The following ZNF618 variants were observed in gnomAD, a reference collection of about 807,000 sequenced individuals.
The protein encoded by ZNF618 is neural precursor cell expressed, developmentally down-regulated 10.
In ZNF618, 34 loss-of-function variants were observed where a neutral mutation model predicts 103.0. That is an observed-to-expected ratio of 0.33 (90% CI 0.25 to 0.44). ZNF618 has a LOEUF of 0.44. Ranked by LOEUF, ZNF618 falls within the 20% of genes least tolerant of loss-of-function variation. The pLI is 1.00. For missense variants in ZNF618, 1,059 were observed against 1,295.4 expected, an observed-to-expected ratio of 0.82 and a Z score of 2.80; for synonymous variants, 551 against 542.2, an observed-to-expected ratio of 1.02 and a Z score of -0.23.
chr9:114,050,450 A>T lies in ZNF618; in HGVS notation c.*283A>T. 1 of 280,508 alleles carries T rather than the reference A, an allele frequency of 3.6e-6. No individual in the cohort carries two copies. Among genetic ancestry groups the T allele is most frequent in the Non-Finnish European group, 6.4e-6 (1 of 155,714 alleles). 17.4% of individuals were successfully genotyped at this position (280,508 alleles called of 1,614,324 possible). ...AGAAACTTTGCACACACGCACACACACACACACACACACACACACACACAC... is the reference window on the plus strand; with the variant it reads ...AGAAACTTTGCACACACGCACACACTCACACACACACACACACACACACAC... On this transcript the variant is annotated 3_prime_UTR_variant, in exon 15 of 15. Transcript: ENST00000374126.
At chr9:114,027,120 T>A (rs528315854) in intron 10 of ZNF618, among the ~76,000 whole-genome samples, 31 of 151,688 alleles carry the variant, frequency 2.0e-4, no homozygotes, top group African/African-American at 7.3e-4. Flanking sequence ...AAAAAAAAAA[T>A]TGGAAATTAT....
At chr9:113,894,633 A>G (rs1221341636) in intron 1 of ZNF618, among the ~76,000 whole-genome samples, 1 of 152,178 alleles carries the variant, frequency 6.6e-6, no homozygotes, top group Admixed American at 6.5e-5. Flanking sequence ...GCTCCTTTAT[A>G]TGACTCAAGT....
intron 1 of ZNF618, among the ~76,000 whole-genome samples, chr9:113,954,408 G>A (rs973953041): frequency 3.3e-5 from 5 of 152,204 alleles, no homozygotes; most frequent in African/African-American, 1.2e-4. Context: ...TATGCTAGAA[G>A]GATACCCAAG....
chr9:113,931,792 A>C (rs1833611760), intron 1 of ZNF618, among the ~76,000 whole-genome samples: 1 of 152,234 alleles, frequency 6.6e-6, no homozygotes, highest in Non-Finnish European at 1.5e-5. Context: ...TCGGTTTAAA[A>C]AATACAATAG....
Position 114,050,023 on chromosome 9 carries a change from C to A in ZNF618, c.2721C>A (p.Ala907=), listed in dbSNP as rs769391821. ...TQKHTKLAKL[A]FWLLAVPAVG... Reference sequence around the variant, plus strand: ...AGCACACAAAACTCGCCAAGCTCGCCTTCTGGCTCCTGGCGGTTCCGGCCG... The same window carrying A: ...AGCACACAAAACTCGCCAAGCTCGCATTCTGGCTCCTGGCGGTTCCGGCCG... The change falls in exon 15 of 15, where the codon GCC becomes GCA. Residue 907 remains alanine, a synonymous_variant. Transcript: ENST00000374126. 6.2e-7 allele frequency: 1 copy of A among 1,613,958 alleles called. No individual in the cohort carries two copies. Among genetic ancestry groups the A allele is most frequent in the Non-Finnish European group, 8.5e-7 (1 of 1,179,894 alleles).
chr9:113,964,521 G>A (rs941498518), intron 1 of ZNF618, among the ~76,000 whole-genome samples: 1 of 150,454 alleles, frequency 6.6e-6, no homozygotes, highest in Non-Finnish European at 1.5e-5. Flanking sequence ...ATTTTTACCA[G>A]AAATTCCTCA....
intron 2 of ZNF618, among the ~76,000 whole-genome samples, chr9:113,973,775 T>C (rs901519298): frequency 1.3e-5 from 2 of 152,206 alleles, no homozygotes; most frequent in African/African-American, 4.8e-5. Flanking sequence ...TGTAAATATA[T>C]CTATTTTTCT....
At chr9:114,020,436 C>G (rs116250908) in intron 10 of ZNF618, among the ~76,000 whole-genome samples, 3,375 of 152,178 alleles carry the variant, frequency 0.022, 134 homozygotes, top group African/African-American at 0.077. Flanking sequence ...TTGGGTCTCC[C>G]AATCCATGAA....
At chr9:113,990,261 T>C (rs1394567199) in intron 3 of ZNF618, among the ~76,000 whole-genome samples, 1 of 152,184 alleles carries the variant, frequency 6.6e-6, no homozygotes, top group African/African-American at 2.4e-5. Flanking sequence ...TTCTACTTTC[T>C]TTTTAGATTA....
chr9:114,002,799 G>A (rs982547472), intron 6 of ZNF618, 137 bp downstream of exon 6: 8 of 943,476 alleles, frequency 8.5e-6, no homozygotes, highest in Non-Finnish European at 1.2e-5. Context: ...AAGCTTGGGG[G>A]CCAGACCATC....
At chr9:114,017,940 G>T (rs530571674) in intron 10 of ZNF618, among the ~76,000 whole-genome samples, 2 of 152,186 alleles carry the variant, frequency 1.3e-5, no homozygotes, top group Non-Finnish European at 2.9e-5. Context: ...CCGTGGGTGA[G>T]AACTCCAGTC....
intron 7 of ZNF618, 86 bp downstream of exon 7, chr9:114,007,525 C>A: frequency 7.6e-7 from 1 of 1,313,734 alleles, no homozygotes; most frequent in South Asian, 1.3e-5. Flanking sequence ...CCGCCTCCCT[C>A]CTCCCTCTTA....
At chr9:114,019,208 A>G (rs1842878147) in intron 10 of ZNF618, among the ~76,000 whole-genome samples, 1 of 152,126 alleles carries the variant, frequency 6.6e-6, no homozygotes, top group African/African-American at 2.4e-5. Context: ...CTTCTGAGCA[A>G]TGTTCTATTG....
Position 113,969,123 on chromosome 9 carries a change from G to T in ZNF618, c.40G>T (p.Gly14Ter). The stretch of plus-strand genomic sequence containing the variant: ...TTTTGGGTTTCTTTTGCAGGCTGAC[G>T]GAGCCAGTGCAGCCGGAAGGAAAAG... The part of the protein sequence containing the change: ...PGGAAAPQAD[G>*]ASAAGRKSTA... Residue 14 changes from glycine to a stop codon, truncating the protein, a stop_gained, in exon 2 of 15, where the codon GGA becomes TGA. Coordinates refer to ENST00000374126, the MANE Select transcript of ZNF618 (RefSeq NM_001318042.2). LOFTEE classifies it high-confidence loss of function. 1 of 1,613,924 alleles carries T rather than the reference G, an allele frequency of 6.2e-7. No individual in the cohort carries two copies.
At chr9:114,042,217 C>G (rs1317150098) in intron 13 of ZNF618, among the ~76,000 whole-genome samples, 3 of 152,236 alleles carry the variant, frequency 2.0e-5, no homozygotes, top group Non-Finnish European at 2.9e-5. Flanking sequence ...CTATTCAAAG[C>G]TAATCGCTGT....
chr9:114,047,716 A>G (rs764394824), intron 13 of ZNF618, among the ~76,000 whole-genome samples, 177 bp from the exon 14 acceptor site: 1 of 152,230 alleles, frequency 6.6e-6, no homozygotes, highest in Non-Finnish European at 1.5e-5. Flanking sequence ...TTTCTAAATG[A>G]TGAAAATGAG....
At chr9:113,976,337 T>C (rs1307882403) in intron 2 of ZNF618, among the ~76,000 whole-genome samples, 2 of 152,194 alleles carry the variant, frequency 1.3e-5, no homozygotes, top group African/African-American at 2.4e-5. Context: ...GTTCAGAGTG[T>C]TCAGAATCTT....
chr9:114,011,361 C>T (rs190593980), intron 9 of ZNF618, among the ~76,000 whole-genome samples: 1 of 152,344 alleles, frequency 6.6e-6, no homozygotes, highest in African/African-American at 2.4e-5. Context: ...TTCTCTGTAT[C>T]TGTAACTAAG....
chr9:113,899,423 G>C (rs1005655805), intron 1 of ZNF618, among the ~76,000 whole-genome samples: 2 of 152,322 alleles, frequency 1.3e-5, no homozygotes, highest in African/African-American at 4.8e-5. Flanking sequence ...GAACTGGGCT[G>C]TATAGCAGGA....
Sources: gnomAD v4.1 joint callset for allele counts (sites outside exome capture counted in the v4.1 genomes callset) on GRCh38, gnomAD v4.1.1 for gene constraint, MANE v1.5 for transcripts, NCBI Gene and HGNC (gene_info 2026-07-23, HGNC 2026-07-21) for gene names.